RBFOX1: variants seen among roughly 807,000 people sequenced by gnomAD.
RBFOX1 encodes the protein RNA binding protein fox-1 homolog 1.
Under a neutral mutation model 57.7 loss-of-function variants are expected in RBFOX1, and 8 were observed. The observed-to-expected ratio is 0.14, with a 90% CI of 0.08 to 0.25. The LOEUF (loss-of-function observed/expected upper bound fraction) is 0.25, where lower values mean the gene tolerates loss of function less well. RBFOX1 is among the 10% of genes least tolerant of loss of function. The probability of loss-of-function intolerance (pLI) is 1.00; values close to 1 mark genes in which losing one functional copy is unlikely to be tolerated. For missense variants in RBFOX1, 611 were observed against 548.5 expected, an observed-to-expected ratio of 1.11 and a Z score of -1.14; for synonymous variants, 326 against 222.4, an observed-to-expected ratio of 1.47 and a Z score of -4.15.
At chr16:7,186,038 G>A (rs2083673767) in intron 4 of RBFOX1, among the ~76,000 whole-genome samples, 1 of 152,018 alleles carries the variant, frequency 6.6e-6, no homozygotes, top group Admixed American at 6.6e-5. Context: ...AGCGATATTT[G>A]CTAACCCTGG....
chr16:6,323,614 C>T (rs888187412), intron 2 of RBFOX1, among the ~76,000 whole-genome samples: 2 of 152,204 alleles, frequency 1.3e-5, no homozygotes, highest in East Asian at 1.9e-4. Flanking sequence ...CAATCTAGAT[C>T]AGTCTTTGAA....
At chr16:6,494,814 C>G (rs781774097) in intron 2 of RBFOX1, among the ~76,000 whole-genome samples, 4 of 152,120 alleles carry the variant, frequency 2.6e-5, no homozygotes, top group Non-Finnish European at 4.4e-5. Flanking sequence ...AAAATTGTAC[C>G]CACGTCTTAA....
intron 3 of RBFOX1, among the ~76,000 whole-genome samples, chr16:5,769,613 A>T (rs1262648454): frequency 1.3e-5 from 2 of 152,094 alleles, no homozygotes; most frequent in African/African-American, 2.4e-5. Flanking sequence ...AGATCATGCC[A>T]TTGGAATCTA....
chr16:6,884,404 C>G (rs1436148479), intron 3 of RBFOX1, among the ~76,000 whole-genome samples: 1 of 152,174 alleles, frequency 6.6e-6, no homozygotes, highest in Non-Finnish European at 1.5e-5. Flanking sequence ...AACCACTTGT[C>G]TACAAAAGGA....
At chr16:7,092,019 G>T (rs1188217187) in intron 4 of RBFOX1, among the ~76,000 whole-genome samples, 1 of 151,914 alleles carries the variant, frequency 6.6e-6, no homozygotes, top group East Asian at 1.9e-4. Flanking sequence ...AGTAAAATTA[G>T]TCAATGAGAA....
chr16:6,280,969 A>G (rs199720492), intron 1 of RBFOX1, among the ~76,000 whole-genome samples: 15 of 138,906 alleles, frequency 1.1e-4, no homozygotes, highest in African/African-American at 2.6e-4. Context: ...GTGTGTGTGT[A>G]TGTGTGTGTA....
chr16:5,283,108 C>G lies in RBFOX1; in HGVS notation c.219+43003C>G, dbSNP rs1293728929. On this transcript the variant is annotated intron_variant, in intron 1 of 2. Coordinates refer to the RBFOX1 transcript ENST00000585867. ...GCTGTGACTTCAGAGGGTGCAAGCC[C>G]CAAGCCTTAGCAGCTTTCACATAGT... 3.3e-5 allele frequency among the ~76,000 whole-genome samples: 5 copies of G among 152,328 alleles called. No homozygotes were observed. In the South Asian group the frequency reaches 1.0e-3, roughly 32 times the overall value.
At chr16:7,046,409 A>G (rs1458282710) in intron 3 of RBFOX1, among the ~76,000 whole-genome samples, 1 of 152,156 alleles carries the variant, frequency 6.6e-6, no homozygotes. Context: ...GTTGGAATGC[A>G]GAAACCTTAT....
intron 3 of RBFOX1, among the ~76,000 whole-genome samples, chr16:7,051,579 A>G (rs1343314258): frequency 2.6e-5 from 4 of 152,258 alleles, no homozygotes; most frequent in African/African-American, 9.6e-5. Flanking sequence ...GAACTGGACC[A>G]TAAAATGTAA....
intron 3 of RBFOX1, among the ~76,000 whole-genome samples, chr16:6,945,837 G>C (rs898300140): frequency 6.6e-6 from 1 of 152,208 alleles, no homozygotes. Context: ...GTTGCAGTGT[G>C]CTGAGATCAA....
intron 2 of RBFOX1, among the ~76,000 whole-genome samples, chr16:6,450,839 GTATATATATATATATATATATATA>G (rs1202016714): frequency 1.5e-4 from 2 of 13,610 alleles, no homozygotes; most frequent in African/African-American, 6.9e-4. Context: ...ATATATATGT[GTATATATATATATATATATATATA>G]TATATATATA....
chr16:6,589,943 T>G (rs2097687510), intron 2 of RBFOX1, among the ~76,000 whole-genome samples: 3 of 152,132 alleles, frequency 2.0e-5, no homozygotes, highest in Non-Finnish European at 1.5e-5. Flanking sequence ...ATCATGAGCT[T>G]GAAGAAAAGA....
At chr16:7,376,008 T>C (rs994852081) in intron 4 of RBFOX1, among the ~76,000 whole-genome samples, 48 of 152,340 alleles carry the variant, frequency 3.2e-4, no homozygotes, top group African/African-American at 1.1e-3. Flanking sequence ...GGGAATGGGA[T>C]CTTTTACCAG....
At chr16:7,241,025 T>A (rs1603433935) in intron 4 of RBFOX1, among the ~76,000 whole-genome samples, 1 of 152,206 alleles carries the variant, frequency 6.6e-6, no homozygotes, top group East Asian at 1.9e-4. Flanking sequence ...GTTCTGGCTA[T>A]CGTGAAAATT....
intron 4 of RBFOX1, among the ~76,000 whole-genome samples, chr16:7,436,032 C>G (rs1308282573): frequency 6.6e-6 from 1 of 152,114 alleles, no homozygotes; most frequent in Non-Finnish European, 1.5e-5. Context: ...GAGGGTGGGG[C>G]ATGAAAGCTC....
At chr16:6,432,275 T>G (rs556749303) in intron 2 of RBFOX1, among the ~76,000 whole-genome samples, 5 of 152,190 alleles carry the variant, frequency 3.3e-5, no homozygotes, top group African/African-American at 9.6e-5. Context: ...ACCCTGAAAG[T>G]GCTCAGAAAC....
At chr16:5,728,400 C>G (rs1419183830) in intron 3 of RBFOX1, among the ~76,000 whole-genome samples, 3 of 152,114 alleles carry the variant, frequency 2.0e-5, no homozygotes, top group African/African-American at 7.2e-5. Context: ...AAGGAATGGT[C>G]TTGTGGAAGC....
intron 3 of RBFOX1, among the ~76,000 whole-genome samples, chr16:5,789,627 TC>T (rs1333806789): frequency 6.6e-6 from 1 of 152,188 alleles, no homozygotes; most frequent in Non-Finnish European, 1.5e-5. Context: ...TTAAGCTTTT[TC>T]CCCAGTCGTA....
At chr16:5,251,933 T>C (rs1383683243) in intron 1 of RBFOX1, among the ~76,000 whole-genome samples, 1 of 151,998 alleles carries the variant, frequency 6.6e-6, no homozygotes, top group Non-Finnish European at 1.5e-5. Context: ...TAATAGGTCC[T>C]GAACCAGTGA....
Sources: gnomAD v4.1 joint callset for allele counts (sites outside exome capture counted in the v4.1 genomes callset) on GRCh38, gnomAD v4.1.1 for gene constraint, MANE v1.5 for transcripts, NCBI Gene and HGNC (gene_info 2026-07-23, HGNC 2026-07-21) for gene names.